Variants in DEFB121 observed in about 807,000 individuals in gnomAD.
DEFB121 encodes the protein beta-defensin 121.
DEFB121 carries 5 observed loss-of-function variants against 2.5 expected under a neutral mutation model. The observed-to-expected ratio is 1.96, with a 90% confidence interval of 1.03 to 4.13. DEFB121 has a LOEUF of 4.13. Among genes scored for constraint, DEFB121 ranks in the 30% most tolerant of loss-of-function variants. The pLI is 0.00. For synonymous variants in DEFB121, 39 were observed against 32.6 expected (o/e 1.20, Z -0.67); for missense variants, 87 against 85.0 (o/e 1.02, Z -0.09).
upstream of DEFB121, among the ~76,000 whole-genome samples, chr20:31,415,083 T>C (rs909865910): frequency 1.9e-4 from 29 of 152,248 alleles, no homozygotes; most frequent in African/African-American, 7.0e-4. Flanking sequence ...TTTAAAAAAA[T>C]GTTTAAAGTT....
chr20:31,406,291 A>T (rs1411164128), upstream of DEFB121: 5 of 1,445,494 alleles, frequency 3.5e-6, 1 homozygote, highest in Middle Eastern at 6.0e-4. Context: ...CAGAACGGGA[A>T]CAGTCATTTG....
At chr20:31,414,311 G>A (rs1030186483), upstream of DEFB121, among the ~76,000 whole-genome samples, 7 of 151,918 alleles carry the variant, frequency 4.6e-5, no homozygotes, top group Non-Finnish European at 8.8e-5. Flanking sequence ...GGAAAGGAAG[G>A]AAAGAAAGAG....
chr20:31,405,966 G>A, intron 1 of DEFB121, 129 bp downstream of exon 1: 1 of 969,560 alleles, frequency 1.0e-6, no homozygotes, highest in South Asian at 1.6e-5. Context: ...CATAACTAGA[G>A]AGACTACCTA....
upstream of DEFB121, among the ~76,000 whole-genome samples, chr20:31,414,594 A>C (rs905423073): frequency 6.6e-6 from 1 of 152,260 alleles, no homozygotes; most frequent in Non-Finnish European, 1.5e-5. Flanking sequence ...GAAATAAACC[A>C]GTCACGGAAA....
At chr20:31,415,678 T>C (rs890052916), upstream of DEFB121, among the ~76,000 whole-genome samples, 2 of 152,026 alleles carry the variant, frequency 1.3e-5, no homozygotes, top group East Asian at 1.9e-4. Flanking sequence ...GAACGGAGCA[T>C]GGGAACAACC....
rs1487273896 is a variant in DEFB121, at chr20:31,406,087, C to T, written c.58+8G>A. ...TGACTCCCATCCCCTTCTGGAGATC[C>T]TGTTTACCTGGGGTGACCTGGGCCA... On this transcript the variant is annotated splice_region_variant and intron_variant, in intron 1 of 1. Transcript: ENST00000376314. 2 of 1,613,910 alleles carry T rather than the reference C, an allele frequency of 1.2e-6. No individual in the cohort carries two copies. The highest frequency in any genetic ancestry group is 1.3e-5 in the African/African-American group (1 of 74,928).
upstream of DEFB121, among the ~76,000 whole-genome samples, chr20:31,408,307 C>A (rs1359094807): frequency 1.3e-5 from 2 of 152,042 alleles, no homozygotes; most frequent in Non-Finnish European, 2.9e-5. Context: ...TTTTAAATAG[C>A]CGGGCATGGT....
upstream of DEFB121, among the ~76,000 whole-genome samples, chr20:31,413,055 C>T (rs1334293863): frequency 6.6e-6 from 1 of 152,198 alleles, no homozygotes; most frequent in East Asian, 1.9e-4. Context: ...CATTTGTCTT[C>T]TTGTCCAGGA....
exon 1 of DEFB121, chr20:31,412,721 C>T (rs745729360): frequency 2.1e-5 from 26 of 1,253,402 alleles, no homozygotes; most frequent in Middle Eastern, 4.3e-4. Context: ...ATACAAGGGA[C>T]ATTAGGATTG....
At chr20:31,417,912 G>A in the DEFB121 span, among the ~76,000 whole-genome samples, 5 of 152,000 alleles carry the variant, frequency 3.3e-5, no homozygotes, top group South Asian at 2.1e-4. Flanking sequence ...GCAGTGAGCC[G>A]AGATTGTGCC....
upstream of DEFB121, among the ~76,000 whole-genome samples, chr20:31,407,111 G>A (rs905413084): frequency 2.6e-5 from 4 of 152,174 alleles, no homozygotes; most frequent in African/African-American, 9.7e-5. Context: ...TTAGCCGGGC[G>A]TGGTGGCTGG....
At chr20:31,408,526 AAGCCC>A (rs1978559869), upstream of DEFB121, among the ~76,000 whole-genome samples, 1 of 151,882 alleles carries the variant, frequency 6.6e-6, no homozygotes, top group Non-Finnish European at 1.5e-5. Context: ...TTTTTCTATA[AAGCCC>A]AGATGGTAAA....
exon 1 of DEFB121, chr20:31,412,822 G>C (rs1464435065): frequency 2.3e-6 from 1 of 441,566 alleles, no homozygotes; most frequent in Non-Finnish European, 4.1e-6. Context: ...ACCCAGAGTC[G>C]AGGCTCAAGG....
chr20:31,415,558 C>G (rs1270613687), upstream of DEFB121, among the ~76,000 whole-genome samples: 1 of 152,076 alleles, frequency 6.6e-6, no homozygotes, highest in East Asian at 1.9e-4. Context: ...GATGAACACT[C>G]TTACTGACTA....
At chr20:31,417,312 T>C (rs561285376), upstream of DEFB121, among the ~76,000 whole-genome samples, 1 of 151,794 alleles carries the variant, frequency 6.6e-6, no homozygotes, top group East Asian at 1.9e-4. Context: ...ACCCCTGCAC[T>C]CCAGCCTGGA....
upstream of DEFB121, among the ~76,000 whole-genome samples, chr20:31,407,897 C>T (rs529464635): frequency 1.3e-5 from 2 of 152,252 alleles, no homozygotes; most frequent in Admixed American, 6.5e-5. Context: ...CCTGCCTTAG[C>T]CCCCCGAGTA....
chr20:31,411,434 T>TC (rs1279085824), intron 1 of DEFB121, among the ~76,000 whole-genome samples: 5 of 152,114 alleles, frequency 3.3e-5, no homozygotes. Context: ...TGGAACAACC[T>TC]CCCTTACTGA....
Position 31,406,117 on chromosome 20 carries a change from C to G in DEFB121, c.36G>C (p.Leu12=), listed in dbSNP as rs773104983. ...KLLLLLLTVT[L]LLAQVTPVMK... ...TACCTGGGGTGACCTGGGCCAGGAG[C>G]AGAGTAACAGTCAAAAGCAGAAGAA... The change falls in exon 1 of 2, where the codon CTG becomes CTC. Residue 12 remains leucine (L), a synonymous_variant. Coordinates refer to ENST00000376314, the MANE Select transcript of DEFB121 (RefSeq NM_001011878.3). 2.3e-5 allele frequency: 37 copies of G among 1,613,976 alleles called. No individual in the cohort carries two copies. The Admixed American group carries it at 6.0e-4, about 26-fold the overall frequency.
At chr20:31,405,978 A>T in intron 1 of DEFB121, 117 bp downstream of exon 1, 1 of 1,100,780 alleles carries the variant, frequency 9.1e-7, no homozygotes, top group Non-Finnish European at 1.3e-6. Flanking sequence ...GACTACCTAA[A>T]GGCCTCAATG....
Sources: allele counts gnomAD v4.1 joint callset (sites outside exome capture counted in the v4.1 genomes callset), GRCh38; gene constraint gnomAD v4.1.1; transcripts MANE v1.5; gene names NCBI Gene and HGNC (gene_info 2026-07-23, HGNC 2026-07-21).